Variants in TEX11 observed in about 807,000 individuals in gnomAD.
The protein encoded by TEX11 is testis-expressed protein 11.
A neutral mutation model predicts 84.4 loss-of-function variants in TEX11; 7 were observed. The ratio of observed to expected loss-of-function variants is 0.08; its 90% CI spans 0.05 to 0.16. The LOEUF (loss-of-function observed/expected upper bound fraction) is 0.16. Ranked by LOEUF, TEX11 falls within the 10% of genes least tolerant of loss-of-function variation. The pLI, the probability that TEX11 is intolerant of heterozygous loss-of-function variation, is 1.00. For synonymous variants in TEX11, 264 were observed against 222.8 expected, an observed-to-expected ratio of 1.18 and a Z score of -1.64; for missense variants, 551 against 660.5, an observed-to-expected ratio of 0.83 and a Z score of 1.82.
intron 25 of TEX11, among the ~76,000 whole-genome samples, chrX:70,575,383 G>C (rs374944999): frequency 2.7e-5 from 3 of 112,096 alleles, no homozygotes; most frequent in South Asian, 3.8e-4. Flanking sequence ...GATAGGATAA[G>C]AGGTGGAACC....
In TEX11 at chrX:70,709,477, T is replaced by A. The variant is rs892839913; in HGVS notation, c.1004+13141A>T. Among the ~76,000 whole-genome samples the A allele has an allele frequency of 9.0e-5, 10 of 111,656 alleles. No homozygotes were observed. The Admixed American group carries it at 9.6e-4, about 11-fold the overall frequency. ...ACCTCAAGTACGTATTATTACATTA[T>A]CATAAGAATGTATTTCATTTAAACA... On this transcript the variant is annotated intron_variant, in intron 13 of 29. Transcript: ENST00000374333.
intron 25 of TEX11, among the ~76,000 whole-genome samples, chrX:70,586,629 T>C (rs2088856464): frequency 8.9e-6 from 1 of 111,893 alleles, no homozygotes; most frequent in Non-Finnish European, 1.9e-5. Context: ...GAGATACTAT[T>C]TAACCTACTA....
At chrX:70,616,184 CTAAAAG>C (rs1206623110) in intron 20 of TEX11, among the ~76,000 whole-genome samples, 1 of 110,799 alleles carries the variant, frequency 9.0e-6, no homozygotes, top group Non-Finnish European at 1.9e-5. Context: ...AATAGAAAAA[CTAAAAG>C]TAAAAGATGA....
At chrX:70,672,677 T>C (rs2090036122) in intron 15 of TEX11, among the ~76,000 whole-genome samples, 1 of 111,992 alleles carries the variant, frequency 8.9e-6, no homozygotes, top group Non-Finnish European at 1.9e-5. Flanking sequence ...CCTTTGCTAA[T>C]TTTTGAATTG....
intron 16 of TEX11, among the ~76,000 whole-genome samples, chrX:70,654,255 G>T (rs2089839031): frequency 9.0e-6 from 1 of 111,621 alleles, no homozygotes; most frequent in African/African-American, 3.3e-5. Context: ...AATGACAGGG[G>T]AAACAGTATG....
At chrX:70,712,646 C>G (rs2090449150) in intron 13 of TEX11, among the ~76,000 whole-genome samples, 1 of 111,086 alleles carries the variant, frequency 9.0e-6, no homozygotes, top group Non-Finnish European at 1.9e-5. Flanking sequence ...ATTTTGTATC[C>G]TGAGACTTTG....
At chrX:70,795,474 G>A (rs1159943586) in intron 9 of TEX11, among the ~76,000 whole-genome samples, 1 of 110,694 alleles carries the variant, frequency 9.0e-6, no homozygotes, top group Non-Finnish European at 1.9e-5. Flanking sequence ...TAGAGCCCTC[G>A]TTCATTAAGC....
At chrX:70,695,514 G>A (rs2090272622) in intron 13 of TEX11, among the ~76,000 whole-genome samples, 1 of 111,671 alleles carries the variant, frequency 9.0e-6, no homozygotes, top group Non-Finnish European at 1.9e-5. Flanking sequence ...TTTTGGGGGT[G>A]GTAAATATGT....
intron 2 of TEX11, among the ~76,000 whole-genome samples, chrX:70,906,557 G>A (rs920035872): frequency 1.8e-5 from 2 of 111,272 alleles, no homozygotes; most frequent in African/African-American, 6.5e-5. Context: ...GGAGGCCGAG[G>A]CAGGTGTATC....
chrX:70,753,906 C>T (rs2147761477), intron 9 of TEX11, among the ~76,000 whole-genome samples: 1 of 110,124 alleles, frequency 9.1e-6, no homozygotes, highest in South Asian at 3.9e-4. Context: ...ATCTGCTAAC[C>T]AAAGAGCCCT....
intron 9 of TEX11, among the ~76,000 whole-genome samples, chrX:70,786,191 CCAT>C (rs1213380586): frequency 9.0e-6 from 1 of 111,051 alleles, no homozygotes; most frequent in African/African-American, 3.3e-5. Context: ...AAGCTGGAAA[CCAT>C]CATTCTGAGC....
intron 7 of TEX11, among the ~76,000 whole-genome samples, chrX:70,840,203 G>A (rs2091433801): frequency 1.8e-5 from 2 of 111,455 alleles, no homozygotes; most frequent in African/African-American, 6.5e-5. Context: ...TGAAATGAAG[G>A]AAAAAACGTT....
At chrX:70,688,936 G>C (rs1266221625) in intron 13 of TEX11, among the ~76,000 whole-genome samples, 1 of 109,182 alleles carries the variant, frequency 9.2e-6, no homozygotes, top group African/African-American at 3.3e-5. Context: ...ACTGACCTAA[G>C]TAACTCTGGA....
At position 70,671,910 on chromosome X, in the gene TEX11, T is replaced by TATATATATATATATATACACAC. The variant is rs57166359; in HGVS notation, c.1243-1397_1243-1396insGTGTGTATATATATATATATAT. ...ATATATATATATATATATATATATA[T>TATATATATATATATATACACAC]ACACACACACATAGCTAAAACCATC... On this transcript the variant is annotated intron_variant, in intron 15 of 29. Transcript: ENST00000374333. Among the ~76,000 whole-genome samples the TATATATATATATATATACACAC allele has an allele frequency of 6.6e-4, 45 of 67,957 alleles. 1 individual carries two copies. The highest frequency in any genetic ancestry group is 1.9e-3 in the Admixed American group (9 of 4,806). The allele number at this position is 67,957 out of a possible 115,157, so 59.0% of individuals were successfully genotyped here. A position where few individuals can be genotyped will look rare whatever the true frequency, so the allele number is the denominator to read the frequency against.
chrX:70,832,119 A>AATTTCTTCT (rs2091380185), intron 8 of TEX11, among the ~76,000 whole-genome samples: 2 of 111,607 alleles, frequency 1.8e-5, no homozygotes, highest in African/African-American at 6.5e-5. Context: ...GGAAGCCATG[A>AATTTCTTCT]GTAGAACATA....
At chrX:70,648,791 G>T (rs1205938820) in intron 17 of TEX11, among the ~76,000 whole-genome samples, 1 of 111,100 alleles carries the variant, frequency 9.0e-6, no homozygotes, top group African/African-American at 3.3e-5. Flanking sequence ...TGTCATGGTG[G>T]TTTGATGCAC....
At chrX:70,739,023 A>G (rs1285053532) in intron 11 of TEX11, among the ~76,000 whole-genome samples, 1 of 111,275 alleles carries the variant, frequency 9.0e-6, no homozygotes, top group Non-Finnish European at 1.9e-5. Context: ...AACCTAGGTG[A>G]CGGGTTGATA....
intron 11 of TEX11, among the ~76,000 whole-genome samples, chrX:70,730,590 C>A (rs1327314978): frequency 3.6e-5 from 4 of 111,966 alleles, no homozygotes; most frequent in Non-Finnish European, 7.5e-5. Context: ...ATCAGTTCAA[C>A]AAGAAGAGCT....
At chrX:70,762,326 A>G (rs1160169264) in intron 9 of TEX11, among the ~76,000 whole-genome samples, 1 of 112,151 alleles carries the variant, frequency 8.9e-6, no homozygotes, top group East Asian at 2.8e-4. Context: ...TAAATAACGA[A>G]CCAATCAAAA....
Sources: allele counts gnomAD v4.1 joint callset (sites outside exome capture counted in the v4.1 genomes callset), GRCh38; gene constraint gnomAD v4.1.1; transcripts MANE v1.5; gene names NCBI Gene and HGNC (gene_info 2026-07-23, HGNC 2026-07-21).